The following INPP4B variants were observed in gnomAD, a reference collection of about 807,000 sequenced individuals.
INPP4B encodes inositol polyphosphate 4-phosphatase type II.
In INPP4B, 55 loss-of-function variants were observed where a neutral mutation model predicts 122.5. That is an observed-to-expected ratio of 0.45 (90% CI 0.36 to 0.56). INPP4B has a LOEUF of 0.56. Ranked by LOEUF, INPP4B falls within the 20% of genes least tolerant of loss-of-function variation. INPP4B has a pLI of 0.00. For synonymous variants in INPP4B, 403 were observed against 388.7 expected (o/e 1.04, Z -0.43); for missense variants, 1,000 against 1,097.7 (o/e 0.91, Z 1.26).
chr4:142,636,354 A>T (rs1376223081), intron 2 of INPP4B, among the ~76,000 whole-genome samples: 1 of 151,412 alleles, frequency 6.6e-6, no homozygotes, highest in Non-Finnish European at 1.5e-5. Context: ...AGAAATAAAC[A>T]AAATAAATAA....
chr4:142,593,330 C>A (rs145051705), intron 2 of INPP4B, among the ~76,000 whole-genome samples: 1 of 152,230 alleles, frequency 6.6e-6, no homozygotes, highest in Non-Finnish European at 1.5e-5. Context: ...CCCTCCCCTG[C>A]AAGTTTCCTC....
chr4:142,521,029 C>T (rs1456227074), intron 2 of INPP4B, among the ~76,000 whole-genome samples: 1 of 151,882 alleles, frequency 6.6e-6, no homozygotes, highest in Non-Finnish European at 1.5e-5. Flanking sequence ...TGATGACCTA[C>T]ACAATAATTT....
chr4:142,421,953 G>C (rs1029513937), intron 5 of INPP4B, among the ~76,000 whole-genome samples: 1 of 152,044 alleles, frequency 6.6e-6, no homozygotes, highest in African/African-American at 2.4e-5. Flanking sequence ...TGAGGAGGGG[G>C]ATATTGCCTG....
At chr4:142,082,323 A>G (rs1412995100) in intron 24 of INPP4B, 138 bp from the exon 25 acceptor site, 2 of 611,572 alleles carry the variant, frequency 3.3e-6, no homozygotes. Context: ...AATTTGTTCA[A>G]TCGGTCTCAT....
At chr4:142,365,888 C>T (rs1224648301) in intron 7 of INPP4B, among the ~76,000 whole-genome samples, 1 of 151,772 alleles carries the variant, frequency 6.6e-6, no homozygotes, top group Non-Finnish European at 1.5e-5. Context: ...TTATAATTAC[C>T]TTAATTCAAT....
intron 17 of INPP4B, among the ~76,000 whole-genome samples, chr4:142,155,890 C>T (rs1182195398): frequency 6.6e-6 from 1 of 150,666 alleles, no homozygotes; most frequent in Non-Finnish European, 1.5e-5. Flanking sequence ...ATAAATATGA[C>T]TATGAATTTG....
At chr4:142,692,543 A>G (rs1320421011) in intron 2 of INPP4B, among the ~76,000 whole-genome samples, 1 of 152,194 alleles carries the variant, frequency 6.6e-6, no homozygotes, top group Non-Finnish European at 1.5e-5. Flanking sequence ...CTTTTATTCT[A>G]AACAATTGTT....
chr4:142,160,255 C>CT (rs1021403790), intron 17 of INPP4B, 103 bp downstream of exon 17: 28 of 869,292 alleles, frequency 3.2e-5, no homozygotes, highest in Middle Eastern at 4.1e-4. Context: ...AGTGTTATAA[C>CT]TTTTTTTCCA....
intron 1 of INPP4B, among the ~76,000 whole-genome samples, chr4:142,839,445 C>CAA (rs61042683): frequency 1.8e-4 from 28 of 151,622 alleles, no homozygotes; most frequent in African/African-American, 6.8e-4. Flanking sequence ...ACAACAACAA[C>CAA]AAAAAAAATG....
At chr4:142,301,139 C>T (rs1761229487) in intron 9 of INPP4B, among the ~76,000 whole-genome samples, 1 of 152,132 alleles carries the variant, frequency 6.6e-6, no homozygotes, top group Admixed American at 6.6e-5. Flanking sequence ...CTCAGATATA[C>T]TCTAATACTT....
chr4:142,466,799 C>T (rs528921208), intron 2 of INPP4B, among the ~76,000 whole-genome samples: 11 of 152,294 alleles, frequency 7.2e-5, no homozygotes, highest in African/African-American at 2.2e-4. Flanking sequence ...GTTCAGGGCC[C>T]CATTGCCCTG....
intron 2 of INPP4B, among the ~76,000 whole-genome samples, chr4:142,520,480 G>A (rs1284426613): frequency 6.6e-6 from 1 of 151,848 alleles, no homozygotes; most frequent in African/African-American, 2.4e-5. Context: ...TTATATGTGT[G>A]GCAATACGTA....
At chr4:142,279,163 T>C (rs1037862247) in intron 9 of INPP4B, among the ~76,000 whole-genome samples, 1 of 151,906 alleles carries the variant, frequency 6.6e-6, no homozygotes, top group African/African-American at 2.4e-5. Flanking sequence ...TCTAAATAAA[T>C]AGACATATAG....
At chr4:142,663,467 C>A (rs1297330372) in intron 2 of INPP4B, among the ~76,000 whole-genome samples, 1 of 151,850 alleles carries the variant, frequency 6.6e-6, no homozygotes, top group Non-Finnish European at 1.5e-5. Context: ...AGTTTAGAAA[C>A]AAAATGAGAG....
At chr4:142,694,773 T>C (rs1444716460) in intron 2 of INPP4B, among the ~76,000 whole-genome samples, 1 of 152,016 alleles carries the variant, frequency 6.6e-6, no homozygotes, top group Non-Finnish European at 1.5e-5. Flanking sequence ...CCTTAGAGGG[T>C]TCACGCTGAG....
intron 25 of INPP4B, among the ~76,000 whole-genome samples, chr4:142,057,589 C>T (rs923906861): frequency 2.6e-5 from 4 of 151,986 alleles, no homozygotes; most frequent in African/African-American, 7.3e-5. Context: ...ATAGTTTAGC[C>T]TATTTCTCAT....
rs147855102 is a variant in INPP4B at position 142,607,252 on chromosome 4, G to C, written c.-191+118587C>G. On this transcript the variant is annotated intron_variant, in intron 2 of 25. Transcript: ENST00000262992. ...TCATTCCCTTTTTGTTGAATGTTGTGGTACTATATGGAAAGCAGATAAGAT... is the reference window on the plus strand; with the variant it reads ...TCATTCCCTTTTTGTTGAATGTTGTCGTACTATATGGAAAGCAGATAAGAT... Among the ~76,000 whole-genome samples, 1,159 of 151,896 alleles carry C rather than the reference G, an allele frequency of 7.6e-3. 8 individuals carry two copies. Among genetic ancestry groups the C allele is most frequent in the Non-Finnish European group, 0.013 (872 of 67,884 alleles).
intron 1 of INPP4B, among the ~76,000 whole-genome samples, chr4:142,734,991 A>T (rs1766646674): frequency 6.6e-6 from 1 of 152,182 alleles, no homozygotes; most frequent in Non-Finnish European, 1.5e-5. Context: ...AGAAGAAATA[A>T]AAGGAAGCTT....
intron 9 of INPP4B, among the ~76,000 whole-genome samples, 159 bp from the exon 10 acceptor site, chr4:142,270,933 T>TTG (rs58469157): frequency 0.17 from 24,859 of 148,534 alleles, 2,098 homozygotes; most frequent in East Asian, 0.21. Context: ...GGGTAGGTGT[T>TTG]TGTGTGTGTG....
Sources: allele counts gnomAD v4.1 joint callset (sites outside exome capture counted in the v4.1 genomes callset), GRCh38; gene constraint gnomAD v4.1.1; transcripts MANE v1.5; gene names NCBI Gene and HGNC (gene_info 2026-07-23, HGNC 2026-07-21).